Variants in ATAD2B observed in about 807,000 individuals in gnomAD.
ATAD2B encodes ATPase family AAA domain-containing protein 2B.
A neutral mutation model predicts 167.6 loss-of-function variants in ATAD2B; 40 were observed. That is an observed-to-expected ratio of 0.24 (90% confidence interval 0.19 to 0.31). The LOEUF is 0.31. Ranked by LOEUF, ATAD2B falls within the 10% of genes least tolerant of loss-of-function variation. ATAD2B has a pLI of 1.00. For missense variants in ATAD2B, 1,242 were observed against 1,757.2 expected (o/e 0.71, Z 5.24); for synonymous variants, 579 against 596.5 (o/e 0.97, Z 0.43).
At chr2:23,904,977 T>G (rs1701304024) in intron 1 of ATAD2B, among the ~76,000 whole-genome samples, 1 of 152,184 alleles carries the variant, frequency 6.6e-6, no homozygotes, top group Non-Finnish European at 1.5e-5. Flanking sequence ...GTTCTAAATT[T>G]TTCTCAAATA....
At chr2:23,732,383 G>C in the ATAD2B span, among the ~76,000 whole-genome samples, 1 of 152,072 alleles carries the variant, frequency 6.6e-6, no homozygotes, top group Non-Finnish European at 1.5e-5. Context: ...TATACGAAAA[G>C]CAAAAAAGTC....
At chr2:23,873,672 G>A (rs2150129251) in intron 8 of ATAD2B, among the ~76,000 whole-genome samples, 1 of 152,254 alleles carries the variant, frequency 6.6e-6, no homozygotes, top group African/African-American at 2.4e-5. Flanking sequence ...TCGAGGTGTG[G>A]TTGGTTGCAT....
At chr2:23,678,952 T>C in the ATAD2B span, among the ~76,000 whole-genome samples, 1 of 151,920 alleles carries the variant, frequency 6.6e-6, no homozygotes, top group African/African-American at 2.4e-5. Flanking sequence ...GAGTTTCCGT[T>C]TGTGAAGATG....
At chr2:23,834,407 C>G (rs1689589380) in intron 13 of ATAD2B, among the ~76,000 whole-genome samples, 1 of 152,030 alleles carries the variant, frequency 6.6e-6, no homozygotes, top group Non-Finnish European at 1.5e-5. Context: ...GGCAATCCAC[C>G]TGCCTCGGCC....
chr2:23,860,709 G>A (rs866000032), intron 12 of ATAD2B, among the ~76,000 whole-genome samples: 6 of 151,914 alleles, frequency 3.9e-5, no homozygotes, highest in African/African-American at 1.2e-4. Context: ...GGTAACTCAC[G>A]CCTGTAATCC....
At chr2:23,818,148 AGAGAAG>A (rs1686813216) in intron 17 of ATAD2B, among the ~76,000 whole-genome samples, 1 of 142,260 alleles carries the variant, frequency 7.0e-6, no homozygotes, top group African/African-American at 2.6e-5. Context: ...ACACAGAGAG[AGAGAAG>A]GAGGGAGGGA....
intron 1 of ATAD2B, among the ~76,000 whole-genome samples, chr2:23,899,302 T>TG (rs1700509120): frequency 2.2e-5 from 1 of 45,142 alleles, no homozygotes; most frequent in Non-Finnish European, 4.4e-5. Flanking sequence ...AGACCCCATC[T>TG]CAAAAAAAAA....
At chr2:23,892,196 C>T (rs1183165900) in intron 2 of ATAD2B, among the ~76,000 whole-genome samples, 1 of 152,154 alleles carries the variant, frequency 6.6e-6, no homozygotes, top group African/African-American at 2.4e-5. Flanking sequence ...CGGAGTCTCG[C>T]TCTGTGGCCC....
At chr2:23,691,909 G>A in the ATAD2B span, 1 of 1,539,048 alleles carries the variant, frequency 6.5e-7, no homozygotes, top group Non-Finnish European at 8.8e-7. Flanking sequence ...TCGCTTGGGG[G>A]GAAGAGTGCA....
At chr2:23,691,581 A>G in the ATAD2B span, 2 of 1,071,516 alleles carry the variant, frequency 1.9e-6, no homozygotes, top group African/African-American at 1.6e-5. Flanking sequence ...AACCAAGGGC[A>G]TGACCAAGGT....
intron 13 of ATAD2B, among the ~76,000 whole-genome samples, chr2:23,855,820 T>C (rs1246764364): frequency 6.6e-6 from 1 of 151,956 alleles, no homozygotes; most frequent in Admixed American, 6.6e-5. Context: ...GCCTAGAAGT[T>C]TGAGGTTACA....
intron 19 of ATAD2B, among the ~76,000 whole-genome samples, chr2:23,790,882 G>A (rs1458352499): frequency 6.6e-6 from 1 of 152,154 alleles, no homozygotes; most frequent in Non-Finnish European, 1.5e-5. Flanking sequence ...AATTTTTACA[G>A]ATGTGTAGCC....
At chr2:23,818,162 G>A (rs1249897726) in intron 17 of ATAD2B, among the ~76,000 whole-genome samples, 1 of 131,748 alleles carries the variant, frequency 7.6e-6, no homozygotes, top group Non-Finnish European at 1.6e-5. Context: ...AAGGAGGGAG[G>A]GAAGAAGAGA....
At chr2:23,838,511 G>T (rs1690356673) in intron 13 of ATAD2B, among the ~76,000 whole-genome samples, 1 of 151,762 alleles carries the variant, frequency 6.6e-6, no homozygotes, top group South Asian at 2.1e-4. Flanking sequence ...CTCCTATTAT[G>T]TAGGGAAATT....
chr2:23,865,529 C>CAA (rs58309800), intron 10 of ATAD2B, among the ~76,000 whole-genome samples: 30 of 96,518 alleles, frequency 3.1e-4, no homozygotes, highest in Admixed American at 4.5e-4. Context: ...AACTCCACCT[C>CAA]AAAAAAAAAA....
At position 23,926,581 on chromosome 2, in the gene ATAD2B, C is replaced by G. The variant is rs546516880; in HGVS notation, c.190G>C (p.Ala64Pro). 28 of 1,554,918 alleles carry G rather than the reference C, an allele frequency of 1.8e-5. No homozygotes were observed. The highest frequency in any genetic ancestry group is 2.4e-5 in the Non-Finnish European group (28 of 1,151,156). ...CTGGCCTCATCCAGAGTGACGCCGG[C>G]GCCACCGCTTCCCCCGGCTTTGGCG... is the stretch of plus-strand genomic sequence containing the variant. ...PAAKAGGSGGAGVTLDEARKV... is the reference protein window; with the variant it reads ...PAAKAGGSGGPGVTLDEARKV... Residue 64 changes from alanine to proline, a missense_variant, in exon 1 of 28, where the codon GCC becomes CCC. Physicochemically the swap from Ala to Pro is conservative, Grantham distance 27. Coordinates refer to ENST00000238789, the MANE Select transcript of ATAD2B (RefSeq NM_017552.4).
intron 1 of ATAD2B, among the ~76,000 whole-genome samples, chr2:23,899,384 G>A (rs923667822): frequency 6.6e-6 from 1 of 151,292 alleles, no homozygotes; most frequent in African/African-American, 2.4e-5. Flanking sequence ...TCAAATATGA[G>A]CATGTATATA....
intron 22 of ATAD2B, among the ~76,000 whole-genome samples, chr2:23,767,945 G>T (rs1677701426): frequency 6.6e-6 from 1 of 151,232 alleles, no homozygotes; most frequent in African/African-American, 2.4e-5. Context: ...AGGAGGAAAA[G>T]AAGTTAGAGA....
the ATAD2B span, among the ~76,000 whole-genome samples, chr2:23,709,300 C>T: frequency 1.8e-3 from 270 of 152,238 alleles, no homozygotes; most frequent in South Asian, 7.9e-3. Flanking sequence ...CCTCAGCCTC[C>T]GAAAGTGCTG....
Sources: allele counts gnomAD v4.1 joint callset (sites outside exome capture counted in the v4.1 genomes callset), GRCh38; gene constraint gnomAD v4.1.1; transcripts MANE v1.5; gene names NCBI Gene and HGNC (gene_info 2026-07-23, HGNC 2026-07-21).